The following PIGN variants were observed in gnomAD, a reference collection of about 807,000 sequenced individuals.
PIGN encodes the protein GPI ethanolamine phosphate transferase 1.
A neutral mutation model predicts 125.4 loss-of-function variants in PIGN; 117 were observed. The observed-to-expected ratio is 0.93, with a 90% confidence interval of 0.80 to 1.09. PIGN has a LOEUF of 1.09. Ranked by LOEUF, PIGN falls within the 50% of genes least tolerant of loss-of-function variation. The pLI is 0.00. For missense variants in PIGN, 1,075 were observed against 1,094.9 expected, an observed-to-expected ratio of 0.98 and a Z score of 0.26; for synonymous variants, 392 against 377.8, an observed-to-expected ratio of 1.04 and a Z score of -0.44.
At chr18:62,121,786 T>C (rs72941846) in intron 14 of PIGN, among the ~76,000 whole-genome samples, 35,817 of 152,068 alleles carry the variant, frequency 0.24, 4,484 homozygotes, top group Middle Eastern at 0.37. Context: ...GGCACTTAGA[T>C]TGATTCCATA....
intron 23 of PIGN, among the ~76,000 whole-genome samples, chr18:62,020,765 A>G (rs1452681276): frequency 6.6e-6 from 1 of 151,032 alleles, no homozygotes; most frequent in Non-Finnish European, 1.5e-5. Flanking sequence ...CCTGGCTAAC[A>G]TGGTGAAACC....
intron 23 of PIGN, among the ~76,000 whole-genome samples, chr18:62,028,778 G>T (rs565618984): frequency 6.6e-6 from 1 of 152,344 alleles, no homozygotes; most frequent in East Asian, 1.9e-4. Flanking sequence ...AGCTAACAAG[G>T]ATAAGGTTTT....
At chr18:62,068,905 C>G (rs1237776151) in intron 30 of PIGN, among the ~76,000 whole-genome samples, 1 of 152,178 alleles carries the variant, frequency 6.6e-6, no homozygotes, top group Non-Finnish European at 1.5e-5. Flanking sequence ...CTTCCTTAAG[C>G]TACAAGACTC....
chr18:62,117,490 T>C (rs1048311723), intron 14 of PIGN, among the ~76,000 whole-genome samples: 1 of 152,000 alleles, frequency 6.6e-6, no homozygotes, highest in South Asian at 2.1e-4. Flanking sequence ...AACTGTTAAA[T>C]AAAATAGATT....
intron 30 of PIGN, among the ~76,000 whole-genome samples, chr18:62,051,037 C>T (rs1402903084): frequency 2.0e-5 from 3 of 149,744 alleles, no homozygotes; most frequent in Non-Finnish European, 4.4e-5. Context: ...AGCCTTGCAT[C>T]CCAGGGATGA....
rs777506547 is a variant in PIGN at position 62,157,804 on chromosome 18, T to C, written c.226A>G (p.Ile76Val). 1.3e-5 allele frequency: 21 copies of C among 1,609,944 alleles called. No individual in the cohort carries two copies. Among genetic ancestry groups the C allele is most frequent in the Non-Finnish European group, 1.4e-5 (16 of 1,177,560 alleles). Residue 76 changes from isoleucine to valine, a missense_variant, in exon 5 of 31, where the codon ATC becomes GTC. Coordinates refer to ENST00000640252, the MANE Select transcript of PIGN (RefSeq NM_176787.5). ...CCCCAGCTGCCTTCATGCATTATGA[T>C]ATTCCTAAAAGATATTAAAGACAAA... ...GNSRAPFIRNIIMHEGSWGIS... is the reference protein window; with the variant it reads ...GNSRAPFIRNVIMHEGSWGIS...
At position 62,045,778 on chromosome 18, in the gene PIGN, C is replaced by T. The variant is rs2030626972; in HGVS notation, c.*78G>A. ...GAATATACTATATATCCATATCCAT[C>T]TTCTTATTGAAGCCTTGATGAGATT... On this transcript the variant is annotated 3_prime_UTR_variant, in exon 31 of 31. Transcript: ENST00000640252. The T allele has an allele frequency of 7.0e-7, 1 of 1,422,034 alleles. No homozygotes were observed. The highest frequency in any genetic ancestry group is 1.4e-5 in the African/African-American group (1 of 71,094). The allele number at this position is 1,422,034 out of a possible 1,614,324, so 88.1% of individuals were successfully genotyped here. A position where few individuals can be genotyped will look rare whatever the true frequency, so the allele number is the denominator to read the frequency against.
chr18:62,070,222 A>G, intron 30 of PIGN: 1 of 393,522 alleles, frequency 2.5e-6, no homozygotes, highest in Non-Finnish European at 4.5e-6. Context: ...ATGAGATTCA[A>G]ACCCAGGCGC....
intron 10 of PIGN, among the ~76,000 whole-genome samples, chr18:62,144,119 T>C (rs982857036): frequency 8.5e-5 from 13 of 152,174 alleles, no homozygotes; most frequent in African/African-American, 2.9e-4. Flanking sequence ...CTAAAATGTA[T>C]GATATTTAAT....
At chr18:62,100,349 C>T (rs774914473) in intron 22 of PIGN, among the ~76,000 whole-genome samples, 1 of 152,136 alleles carries the variant, frequency 6.6e-6, no homozygotes, top group African/African-American at 2.4e-5. Flanking sequence ...GAAGGGGGAA[C>T]CTTTGTACAT....
At chr18:62,078,259 A>C (rs2033274320) in intron 28 of PIGN, among the ~76,000 whole-genome samples, 1 of 152,182 alleles carries the variant, frequency 6.6e-6, no homozygotes, top group South Asian at 2.1e-4. Flanking sequence ...AGTTGGGTAA[A>C]AAAGGTTTAA....
chr18:62,064,931 A>C (rs983894780), intron 30 of PIGN, among the ~76,000 whole-genome samples: 3 of 149,276 alleles, frequency 2.0e-5, no homozygotes, highest in Non-Finnish European at 3.0e-5. Flanking sequence ...AAAAAAAAAA[A>C]CTTCCCAGAA....
chr18:62,091,129 C>T (rs1194740252), intron 23 of PIGN, among the ~76,000 whole-genome samples: 1 of 152,108 alleles, frequency 6.6e-6, no homozygotes. Context: ...GCAGGCAGAT[C>T]CCGAGGTCAG....
chr18:62,102,567 C>T (rs983258623), intron 21 of PIGN, among the ~76,000 whole-genome samples: 2 of 150,142 alleles, frequency 1.3e-5, no homozygotes, highest in African/African-American at 4.9e-5. Flanking sequence ...TTTCCATAAC[C>T]TCTGCTCTTC....
At chr18:62,111,848 C>T (rs2034891916) in intron 16 of PIGN, among the ~76,000 whole-genome samples, 1 of 152,074 alleles carries the variant, frequency 6.6e-6, no homozygotes, top group Non-Finnish European at 1.5e-5. Context: ...TAGCATTGTA[C>T]CATACACTCA....
At chr18:62,161,071 G>T in intron 4 of PIGN, 62 bp downstream of exon 4, 1 of 1,014,844 alleles carries the variant, frequency 9.9e-7, no homozygotes, top group East Asian at 2.4e-5. Flanking sequence ...AAGATATTTT[G>T]CAGTTTACTT....
At chr18:62,097,058 A>C (rs371870451) in intron 22 of PIGN, among the ~76,000 whole-genome samples, 45 of 151,744 alleles carry the variant, frequency 3.0e-4, no homozygotes, top group Middle Eastern at 3.4e-3. Flanking sequence ...GCAACAAAAG[A>C]CAAAATTGAC....
intron 23 of PIGN, among the ~76,000 whole-genome samples, chr18:62,025,078 A>C (rs1005421502): frequency 9.2e-5 from 14 of 152,250 alleles, no homozygotes; most frequent in Admixed American, 8.5e-4. Flanking sequence ...AAATTGCACA[A>C]GATTTCTAGG....
At position 62,139,542 on chromosome 18, in the gene PIGN, A is replaced by G. The variant is rs116326996; in HGVS notation, c.1024-467T>C. On this transcript the variant is annotated intron_variant, in intron 12 of 30. Transcript: ENST00000640252. The stretch of plus-strand genomic sequence containing the variant: ...CATATTACTTAGCATTCTGGGTTAA[A>G]TAACATTATTTTTTAAGAGTACATT... Among the ~76,000 whole-genome samples the G allele has an allele frequency of 4.7e-3, 718 of 152,378 alleles. 3 individuals are homozygous for G. Among genetic ancestry groups the G allele is most frequent in the African/African-American group, 0.016 (667 of 41,596 alleles).
Sources: allele counts gnomAD v4.1 joint callset (sites outside exome capture counted in the v4.1 genomes callset), GRCh38; gene constraint gnomAD v4.1.1; transcripts MANE v1.5; gene names NCBI Gene and HGNC (gene_info 2026-07-23, HGNC 2026-07-21).